The following JAZF1 variants were observed in gnomAD, a reference collection of about 807,000 sequenced individuals.
JAZF1 encodes the protein JAZF zinc finger 1.
JAZF1 carries 8 observed loss-of-function variants against 26.4 expected under a neutral mutation model. That is an observed-to-expected ratio of 0.30 (90% CI 0.18 to 0.55). The LOEUF is 0.55. JAZF1 is among the 20% of genes least tolerant of loss of function. JAZF1 has a pLI of 0.94. For synonymous variants in JAZF1, 126 were observed against 122.3 expected (o/e 1.03, Z -0.20); for missense variants, 199 against 322.0 (o/e 0.62, Z 2.92).
At chr7:28,066,804 G>A (rs1366439724) in intron 1 of JAZF1, among the ~76,000 whole-genome samples, 1 of 151,946 alleles carries the variant, frequency 6.6e-6, no homozygotes, top group African/African-American at 2.4e-5. Context: ...TGTTACTGCT[G>A]TTTTAAAACT....
intron 1 of JAZF1, among the ~76,000 whole-genome samples, chr7:28,140,376 C>T (rs186545813): frequency 6.6e-6 from 1 of 152,220 alleles, no homozygotes; most frequent in East Asian, 1.9e-4. Context: ...AGCCACCATG[C>T]CCAGCCAAAA....
At position 27,898,081 on chromosome 7, in the gene JAZF1, C is replaced by T. The variant is rs939957206; in HGVS notation, c.189-2665G>A. On this transcript the variant is annotated intron_variant, in intron 2 of 4. Transcript: ENST00000283928. ...TATCGTTATGTCTCTATATTTTGTC[C>T]ACCTTACTCAACTCCAAGTGTCTTG... Among the ~76,000 whole-genome samples, 4 of 152,114 alleles carry T rather than the reference C, an allele frequency of 2.6e-5. No individual in the cohort carries two copies. The East Asian group carries it at 7.7e-4, about 29-fold the overall frequency.
At chr7:28,062,230 G>C (rs762183742) in intron 1 of JAZF1, among the ~76,000 whole-genome samples, 54 of 152,198 alleles carry the variant, frequency 3.5e-4, no homozygotes, top group Non-Finnish European at 6.9e-4. Context: ...GACTGGACTC[G>C]AAGCATTTCT....
chr7:28,154,036 TG>T (rs1783145878), intron 1 of JAZF1, among the ~76,000 whole-genome samples: 1 of 152,176 alleles, frequency 6.6e-6, no homozygotes, highest in Non-Finnish European at 1.5e-5. Flanking sequence ...TCTCAGTCCC[TG>T]GGTACTTTCA....
At chr7:27,966,172 A>G (rs2128358460) in intron 2 of JAZF1, among the ~76,000 whole-genome samples, 1 of 152,328 alleles carries the variant, frequency 6.6e-6, no homozygotes, top group East Asian at 1.9e-4. Context: ...TACACAATAC[A>G]TTCCACAACT....
chr7:27,986,655 CTCCCTCT>C (rs1785718373), intron 2 of JAZF1, among the ~76,000 whole-genome samples: 1 of 142,380 alleles, frequency 7.0e-6, no homozygotes, highest in South Asian at 2.3e-4. Context: ...CCCCCTCTCC[CTCCCTCT>C]CCCTCTCTGT....
At chr7:28,035,313 C>CAAAAAAAAAAGAAAAA (rs1783268842) in intron 1 of JAZF1, among the ~76,000 whole-genome samples, 1 of 27,470 alleles carries the variant, frequency 3.6e-5, no homozygotes, top group South Asian at 1.9e-3. Flanking sequence ...GACTCCATCT[C>CAAAAAAAAAAGAAAAA]AAAAAAAAAA....
chr7:28,158,095 G>A (rs1028779896), intron 1 of JAZF1, among the ~76,000 whole-genome samples: 2 of 151,924 alleles, frequency 1.3e-5, no homozygotes. Context: ...AAACTTGGTT[G>A]AGGGCAGGCA....
chr7:27,981,313 G>A (rs1785579910), intron 2 of JAZF1, among the ~76,000 whole-genome samples: 1 of 152,120 alleles, frequency 6.6e-6, no homozygotes, highest in South Asian at 2.1e-4. Flanking sequence ...ACAACCAAGA[G>A]AAAATCCAGA....
intron 1 of JAZF1, among the ~76,000 whole-genome samples, chr7:28,117,181 A>G (rs1170884799): frequency 6.6e-6 from 1 of 152,064 alleles, no homozygotes; most frequent in East Asian, 1.9e-4. Context: ...TGTCATTTGA[A>G]TTTGCTTATG....
chr7:27,849,752 G>C (rs13310173), intron 3 of JAZF1, among the ~76,000 whole-genome samples: 1,852 of 108,408 alleles, frequency 0.017, 46 homozygotes, highest in African/African-American at 0.074. Flanking sequence ...CTTACACACA[G>C]ACACACACAC....
At chr7:27,902,399 T>A (rs1048547427) in intron 2 of JAZF1, among the ~76,000 whole-genome samples, 1 of 152,350 alleles carries the variant, frequency 6.6e-6, no homozygotes, top group African/African-American at 2.4e-5. Flanking sequence ...ATGATGGTCA[T>A]GACCACCACA....
rs542310335 is a variant in JAZF1, at chr7:28,027,485, G to A, written c.116-35504C>T. 5.9e-5 allele frequency among the ~76,000 whole-genome samples: 9 copies of A among 152,256 alleles called. No individual in the cohort carries two copies. The South Asian group carries it at 1.2e-3, about 21-fold the overall frequency. The stretch of plus-strand genomic sequence containing the variant: ...GAGTTACCATTGGCATATTGATAAA[G>A]TTTTTTGATAAAATTTTACTGCCCC... On this transcript the variant is annotated intron_variant, in intron 1 of 4. Transcript: ENST00000283928.
intron 2 of JAZF1, among the ~76,000 whole-genome samples, chr7:27,948,983 C>T (rs974119734): frequency 2.0e-5 from 3 of 152,190 alleles, no homozygotes; most frequent in African/African-American, 7.2e-5. Context: ...CTAAAATGTG[C>T]ACCCACAAAC....
chr7:28,041,529 C>G (rs1369526468), intron 1 of JAZF1, among the ~76,000 whole-genome samples: 1 of 152,132 alleles, frequency 6.6e-6, no homozygotes, highest in East Asian at 1.9e-4. Context: ...CTTCCAGAAG[C>G]CAGTGAGATA....
At chr7:28,033,454 T>C (rs1040858674) in intron 1 of JAZF1, among the ~76,000 whole-genome samples, 2 of 152,142 alleles carry the variant, frequency 1.3e-5, no homozygotes, top group African/African-American at 4.8e-5. Flanking sequence ...GCTGCACATG[T>C]AAGCCTGTGA....
chr7:28,017,757 CTTT>C (rs1467784743), intron 1 of JAZF1, among the ~76,000 whole-genome samples: 1 of 151,604 alleles, frequency 6.6e-6, no homozygotes. Flanking sequence ...GTGATTACTT[CTTT>C]GTTTTTGTTG....
At chr7:27,958,230 C>T (rs946660735) in intron 2 of JAZF1, among the ~76,000 whole-genome samples, 1 of 152,156 alleles carries the variant, frequency 6.6e-6, no homozygotes, top group Non-Finnish European at 1.5e-5. Flanking sequence ...TTAAAATATG[C>T]ACTTGATGCT....
At chr7:28,145,582 A>G (rs539558413) in intron 1 of JAZF1, among the ~76,000 whole-genome samples, 18 of 152,312 alleles carry the variant, frequency 1.2e-4, no homozygotes, top group African/African-American at 4.3e-4. Flanking sequence ...AAGAGCACAG[A>G]AAGTGACTGG....
Sources: allele counts gnomAD v4.1 joint callset (sites outside exome capture counted in the v4.1 genomes callset), GRCh38; gene constraint gnomAD v4.1.1; transcripts MANE v1.5; gene names NCBI Gene and HGNC (gene_info 2026-07-23, HGNC 2026-07-21).